AGAP6: variants seen among roughly 807,000 people sequenced by gnomAD.
The protein encoded by AGAP6 is ArfGAP with GTPase domain, ankyrin repeat and PH domain 6, also known as arf-GAP with GTPase, ANK repeat and PH domain-containing protein 6.
AGAP6 carries 29 observed loss-of-function variants against 63.9 expected under a neutral mutation model. The observed-to-expected ratio is 0.45, with a 90% CI of 0.34 to 0.62. The LOEUF (loss-of-function observed/expected upper bound fraction) is 0.62. Ranked by LOEUF, AGAP6 falls within the 20% of genes least tolerant of loss-of-function variation. The pLI is 0.01. For synonymous variants in AGAP6, 199 were observed against 332.9 expected (o/e 0.60, Z 4.38); for missense variants, 493 against 884.9 (o/e 0.56, Z 5.62).
intron 3 of AGAP6, among the ~76,000 whole-genome samples, chr10:49,992,709 TG>T (rs2063346978): frequency 6.6e-6 from 1 of 151,590 alleles, no homozygotes; most frequent in Non-Finnish European, 1.5e-5. Context: ...GGGAAGCAGG[TG>T]GTTCCACACG....
intron 6 of AGAP6, among the ~76,000 whole-genome samples, chr10:50,006,880 CTA>C (rs1841930202): frequency 6.6e-6 from 1 of 152,074 alleles, no homozygotes; most frequent in Non-Finnish European, 1.5e-5. Context: ...GAAATTCAGG[CTA>C]TGTTTTTTAC....
intron 2 of AGAP6, 70 bp downstream of exon 2, chr10:49,989,446 C>G (rs1305225195): frequency 1.9e-6 from 3 of 1,591,756 alleles, no homozygotes; most frequent in Non-Finnish European, 8.5e-7. Context: ...TTGAGCTATT[C>G]TCTTCCTTTT....
At chr10:50,008,644 G>A (rs1842001653) in intron 7 of AGAP6, 67 bp from the exon 8 acceptor site, 1 of 1,599,986 alleles carries the variant, frequency 6.3e-7, no homozygotes, top group African/African-American at 1.3e-5. Flanking sequence ...GTAATTGTGA[G>A]CTGTCTATAG....
chr10:50,008,359 C>T (rs560182228), intron 7 of AGAP6, among the ~76,000 whole-genome samples: 17 of 149,330 alleles, frequency 1.1e-4, no homozygotes, highest in African/African-American at 3.0e-4. Context: ...AGTGCAATCG[C>T]GCGATCTTGG....
At chr10:50,005,336 G>A (rs141378762) in intron 6 of AGAP6, among the ~76,000 whole-genome samples, 11,055 of 152,302 alleles carry the variant, frequency 0.073, 575 homozygotes, top group African/African-American at 0.13. Context: ...AAGAGGCTGG[G>A]CACGGTGGCT....
intron 3 of AGAP6, among the ~76,000 whole-genome samples, chr10:49,993,819 CAAAAAAAA>C (rs527964744): frequency 4.3e-4 from 45 of 103,644 alleles, no homozygotes; most frequent in African/African-American, 1.5e-3. Flanking sequence ...GACTCCATCT[CAAAAAAAA>C]AAAAAAAAAA....
Position 50,009,709 on chromosome 10 carries a change from C to T in AGAP6, c.1584C>T (p.Leu528=). ...AGCTGGATGACTGGCCAGTTGAGCTCAGGAAGGTTATGTCATCTATTGTCA... is the reference window on the plus strand; with the variant it reads ...AGCTGGATGACTGGCCAGTTGAGCTTAGGAAGGTTATGTCATCTATTGTCA... ...SLELDDWPVE[L]RKVMSSIVND... The change falls in exon 8 of 8, where the codon CTC becomes CTT. Residue 528 remains leucine (L), a synonymous_variant. Transcript: ENST00000412531. 3 of 1,614,150 alleles carry T rather than the reference C, an allele frequency of 1.9e-6. No homozygotes were observed. The highest frequency in any genetic ancestry group is 2.5e-6 in the Non-Finnish European group (3 of 1,179,996).
intron 6 of AGAP6, among the ~76,000 whole-genome samples, chr10:50,006,479 A>G (rs566351549): frequency 2.6e-5 from 4 of 152,278 alleles, no homozygotes; most frequent in African/African-American, 9.6e-5. Flanking sequence ...AGCTCAAGCA[A>G]TCCTCTCACC....
intron 5 of AGAP6, among the ~76,000 whole-genome samples, chr10:50,003,706 GAGAGCCA>G (rs1841796970): frequency 6.6e-6 from 1 of 152,210 alleles, no homozygotes; most frequent in Non-Finnish European, 1.5e-5. Context: ...AGCAAAGTTT[GAGAGCCA>G]CTGCTTAATT....
chr10:50,009,571 T>C lies in AGAP6; in HGVS notation c.1446T>C (p.Cys482=). The change falls in exon 8 of 8, where the codon TGT becomes TGC. Residue 482 remains cysteine, a synonymous_variant. Transcript: ENST00000412531. ...NMRGNAHCVD[C]ETQNPKWASL... is the part of the protein sequence containing the mutation. ...GTGGGAACGCCCACTGTGTGGACTG[T>C]GAGACCCAGAATCCTAAGTGGGCCA... The C allele has an allele frequency of 6.2e-7, 1 of 1,613,756 alleles. No homozygotes were observed. The highest frequency in any genetic ancestry group is 1.1e-5 in the South Asian group (1 of 91,074).
rs567072909 is a variant in AGAP6, at chr10:49,994,328, G to A, written c.362-67G>A. Reference sequence around the variant, plus strand: ...TTTACGTAGGAGTAATCAGTAAGATGTTAACAACTACTTTTATTTTATGGT... The same window carrying A: ...TTTACGTAGGAGTAATCAGTAAGATATTAACAACTACTTTTATTTTATGGT... On this transcript the variant is annotated intron_variant, in intron 3 of 7. Coordinates refer to ENST00000412531, the MANE Select transcript of AGAP6 (RefSeq NM_001077665.3). The A allele has an allele frequency of 8.4e-5, 121 of 1,443,384 alleles. No individual in the cohort carries two copies. The African/African-American group carries it at 1.3e-3, about 16-fold the overall frequency. 89.4% of individuals were successfully genotyped at this position (1,443,384 alleles called of 1,614,324 possible).
At chr10:49,997,564 G>C (rs1554862203) in intron 4 of AGAP6, among the ~76,000 whole-genome samples, 1 of 151,994 alleles carries the variant, frequency 6.6e-6, no homozygotes, top group Non-Finnish European at 1.5e-5. Context: ...CAAAAGGAGA[G>C]TGAAAAATAT....
chr10:49,993,827 A>G (rs1266262650), intron 3 of AGAP6, among the ~76,000 whole-genome samples: 4 of 151,994 alleles, frequency 2.6e-5, no homozygotes, highest in African/African-American at 9.7e-5. Context: ...CTCAAAAAAA[A>G]AAAAAAAAAA....
At position 49,990,402 on chromosome 10, in the gene AGAP6, G is replaced by A. The variant is rs1218243362; in HGVS notation, c.292+1026G>A. 5.3e-5 allele frequency among the ~76,000 whole-genome samples: 8 copies of A among 152,326 alleles called. No individual in the cohort carries two copies. In the South Asian group the frequency reaches 8.3e-4, roughly 16 times the overall value. ...GGAGGTTGCAGTGAGCAGAGATCACGCCAATGCACTCCAGCCTGGGTGACA... is the reference window on the plus strand; with the variant it reads ...GGAGGTTGCAGTGAGCAGAGATCACACCAATGCACTCCAGCCTGGGTGACA... On this transcript the variant is annotated intron_variant, in intron 2 of 7. Coordinates refer to ENST00000412531, the MANE Select transcript of AGAP6 (RefSeq NM_001077665.3).
rs1337371883 is a variant in AGAP6, at chr10:50,009,289, G to A, written c.1164G>A (p.Lys388=). The part of the protein sequence containing the change: ...SPSISSTTSP[K]LNPPPSPHAN... ...GTATCTCCAGCACCACCAGCCCCAA[G>A]CTCAACCCGCCCCCCTCTCCTCATG... The change falls in exon 8 of 8, where the codon AAG becomes AAA. Residue 388 remains lysine, a synonymous_variant. Coordinates refer to ENST00000412531, the MANE Select transcript of AGAP6 (RefSeq NM_001077665.3). 7 of 1,614,024 alleles carry A rather than the reference G, an allele frequency of 4.3e-6. No individual in the cohort carries two copies. The highest frequency in any genetic ancestry group is 5.9e-6 in the Non-Finnish European group (7 of 1,180,040).
At chr10:50,005,155 G>C (rs1841867730) in intron 6 of AGAP6, among the ~76,000 whole-genome samples, 1 of 152,126 alleles carries the variant, frequency 6.6e-6, no homozygotes, top group Non-Finnish European at 1.5e-5. Flanking sequence ...TATTCCTTGA[G>C]AACAGTATTG....
Position 49,988,428 on chromosome 10 carries a change from T to C in AGAP6, c.-288T>C, listed in dbSNP as rs1841119471. 2 of 1,353,648 alleles carry C rather than the reference T, an allele frequency of 1.5e-6. No homozygotes were observed. Among genetic ancestry groups the C allele is most frequent in the Non-Finnish European group, 1.9e-6 (2 of 1,045,212 alleles). 83.9% of individuals were successfully genotyped at this position (1,353,648 alleles called of 1,614,324 possible). A position where few individuals can be genotyped will look rare whatever the true frequency, so the allele number is the denominator to read the frequency against. ...GTCTGTTCTCTCTTCAGGCAGTTGT[T>C]GTGTCTCTCAGCGCTTGTTGGTTTC... On this transcript the variant is annotated 5_prime_UTR_variant, in exon 1 of 8. Coordinates refer to ENST00000412531, the MANE Select transcript of AGAP6 (RefSeq NM_001077665.3).
chr10:50,005,024 G>A (rs1554863615), intron 6 of AGAP6, among the ~76,000 whole-genome samples: 2 of 151,932 alleles, frequency 1.3e-5, no homozygotes, highest in Non-Finnish European at 2.9e-5. Context: ...TGATATTATG[G>A]GCTAGATAAT....
intron 3 of AGAP6, among the ~76,000 whole-genome samples, chr10:49,993,407 G>A (rs1396695378): frequency 2.0e-5 from 3 of 152,144 alleles, no homozygotes; most frequent in Non-Finnish European, 4.4e-5. Context: ...AGGAAGCAAA[G>A]CATGGCCCAA....
Sources: allele counts gnomAD v4.1 joint callset (sites outside exome capture counted in the v4.1 genomes callset), GRCh38; gene constraint gnomAD v4.1.1; transcripts MANE v1.5; gene names NCBI Gene and HGNC (gene_info 2026-07-23, HGNC 2026-07-21).